The following GFRA2 variants were observed in gnomAD, a reference collection of about 807,000 sequenced individuals.
The protein encoded by GFRA2 is GDNF family receptor alpha-2.
A neutral mutation model predicts 48.3 loss-of-function variants in GFRA2; 17 were observed. The observed-to-expected ratio is 0.35, with a 90% confidence interval of 0.24 to 0.53. GFRA2 has a LOEUF of 0.53. Among genes scored for constraint, GFRA2 ranks in the 20% least tolerant of loss-of-function variants. The pLI, the probability that GFRA2 is intolerant of heterozygous loss-of-function variation, is 0.93. For missense variants in GFRA2, 660 were observed against 637.3 expected (o/e 1.04, Z -0.38); for synonymous variants, 305 against 257.2 (o/e 1.19, Z -1.78).
Position 21,750,006 on chromosome 8 carries a change from T to G in GFRA2, c.794+582A>C, listed in dbSNP as rs1805202518. 6.6e-6 allele frequency among the ~76,000 whole-genome samples: 1 copy of G among 152,190 alleles called. No individual in the cohort carries two copies. The highest frequency in any genetic ancestry group is 3.4e-3 in the Middle Eastern group (1 of 294). On this transcript the variant is annotated intron_variant, in intron 4 of 8. Transcript: ENST00000524240. The surrounding 1 kb of genome is among the most constrained non-coding windows in gnomAD (Gnocchi z 5.7). ...ATTAGGAAGGTAGTTTTGGGGGGTA[T>G]GCATGGTTATACTGAGCTGAAATTT...
At chr8:21,766,523 G>A (rs1456256024) in intron 3 of GFRA2, among the ~76,000 whole-genome samples, 1 of 151,682 alleles carries the variant, frequency 6.6e-6, no homozygotes, top group African/African-American at 2.4e-5. Context: ...GAGTTAGCGC[G>A]GAAGCCTCCA....
upstream of GFRA2, among the ~76,000 whole-genome samples, chr8:21,791,702 C>A (rs1807577262): frequency 6.6e-6 from 1 of 152,150 alleles, no homozygotes. Context: ...AGATACTACA[C>A]AAAGCGGCTA....
upstream of GFRA2, among the ~76,000 whole-genome samples, chr8:21,789,752 C>T (rs1807498176): frequency 6.7e-6 from 1 of 148,896 alleles, no homozygotes; most frequent in Non-Finnish European, 1.5e-5. Flanking sequence ...GCCTCCACCC[C>T]TTCGAGATGC....
intron 2 of GFRA2, among the ~76,000 whole-genome samples, chr8:21,777,631 G>A (rs1294250792): frequency 2.6e-5 from 4 of 152,218 alleles, no homozygotes; most frequent in African/African-American, 9.6e-5. Flanking sequence ...CTTTGCAGAA[G>A]GCAAGAAACC....
At position 21,691,005 on chromosome 8, in the gene GFRA2, T is replaced by A. The variant is rs1160542815; in HGVS notation, c.*2273A>T. 6.6e-6 allele frequency: 1 copy of A among 152,130 alleles called. No individual in the cohort carries two copies. Among genetic ancestry groups the A allele is most frequent in the African/African-American group, 2.4e-5 (1 of 41,416 alleles). The allele number at this position is 152,130 out of a possible 1,614,324, so 9.4% of individuals were successfully genotyped here. A position where few individuals can be genotyped will look rare whatever the true frequency, so the allele number is the denominator to read the frequency against. Reference sequence around the variant, plus strand: ...TGGCTGGCTCACTGTACCCCTTCCATGCAGAGGCTGGAAGGCAATACACCA... The same window carrying A: ...TGGCTGGCTCACTGTACCCCTTCCAAGCAGAGGCTGGAAGGCAATACACCA... On this transcript the variant is annotated 3_prime_UTR_variant, in exon 9 of 9. Coordinates refer to ENST00000524240, the MANE Select transcript of GFRA2 (RefSeq NM_001495.5).
Position 21,702,825 on chromosome 8 carries a change from T to C in GFRA2, c.1198A>G (p.Thr400Ala), listed in dbSNP as rs1802549039. The stretch of plus-strand genomic sequence containing the variant: ...CTCACCTGGACAGACGTGCAGGTGG[T>C]GATGACACTGGTCCCCAAGCTGGTA... The part of the protein sequence containing the change: ...DSTSLGTSVI[T>A]TCTSVQEQGL... Residue 400 changes from threonine (T) to alanine (A), a missense_variant, in exon 7 of 9, where the codon ACC becomes GCC. Thr to Ala is a moderately conservative substitution (Grantham distance 58, BLOSUM62 0). Transcript: ENST00000524240. 6.2e-7 allele frequency: 1 copy of C among 1,608,424 alleles called. No individual in the cohort carries two copies. Among genetic ancestry groups the C allele is most frequent in the Admixed American group, 1.7e-5 (1 of 59,492 alleles).
intron 4 of GFRA2, among the ~76,000 whole-genome samples, chr8:21,726,263 GC>G (rs1204857880): frequency 1.3e-5 from 2 of 152,166 alleles, no homozygotes; most frequent in Non-Finnish European, 2.9e-5. Context: ...AGCCCCTGCT[GC>G]CCAGCTCTCA....
intron 4 of GFRA2, among the ~76,000 whole-genome samples, chr8:21,749,511 T>A (rs1805171772): frequency 6.7e-6 from 1 of 149,796 alleles, no homozygotes; most frequent in East Asian, 2.0e-4. Flanking sequence ...TTCCTCACCC[T>A]GACCCATTCC....
At chr8:21,735,885 C>T (rs968551048) in intron 4 of GFRA2, among the ~76,000 whole-genome samples, 6 of 152,102 alleles carry the variant, frequency 3.9e-5, no homozygotes, top group African/African-American at 1.4e-4. Context: ...TTACCCAGGG[C>T]TGCTCTTGAA....
intron 3 of GFRA2, among the ~76,000 whole-genome samples, chr8:21,754,505 C>CTTTTTTTTTTTT (rs59344047): frequency 7.6e-4 from 92 of 121,156 alleles, no homozygotes; most frequent in South Asian, 1.1e-3. Context: ...CTTTTTTTTT[C>CTTTTTTTTTTTT]TTTTTTTTTT....
chr8:21,760,679 T>C (rs1398495412), intron 3 of GFRA2, among the ~76,000 whole-genome samples: 1 of 152,136 alleles, frequency 6.6e-6, no homozygotes, highest in Non-Finnish European at 1.5e-5. Context: ...AGGTCTGGGC[T>C]AAAGACACAA....
intron 1 of GFRA2, among the ~76,000 whole-genome samples, chr8:21,806,870 T>C (rs1807878672): frequency 2.0e-5 from 3 of 152,226 alleles, no homozygotes; most frequent in Admixed American, 6.5e-5. Flanking sequence ...AAACTTTTTG[T>C]ATCCACACAT....
chr8:21,724,611 T>C (rs1803768295), intron 4 of GFRA2, among the ~76,000 whole-genome samples: 6 of 151,914 alleles, frequency 3.9e-5, no homozygotes, highest in Admixed American at 3.9e-4. Flanking sequence ...GACCAGATGG[T>C]TGGTGATCTG....
intron 3 of GFRA2, among the ~76,000 whole-genome samples, chr8:21,757,876 T>C (rs796414959): frequency 1.1e-4 from 17 of 152,330 alleles, no homozygotes; most frequent in African/African-American, 4.1e-4. Context: ...TCAATACCTA[T>C]CTAGATTTAT....
intron 4 of GFRA2, among the ~76,000 whole-genome samples, chr8:21,711,595 T>C (rs1803028435): frequency 6.6e-6 from 1 of 152,148 alleles, no homozygotes; most frequent in African/African-American, 2.4e-5. Context: ...GAAGAACGTG[T>C]AGGTTCATTT....
chr8:21,738,197 TCCTCCTCCTCCC>T (rs1804575663), intron 4 of GFRA2, among the ~76,000 whole-genome samples: 1 of 36,388 alleles, frequency 2.7e-5, no homozygotes, highest in African/African-American at 9.8e-5. Flanking sequence ...CTCCTCCCCC[TCCTCCTCCTCCC>T]CCTCCTCCTC....
intron 3 of GFRA2, among the ~76,000 whole-genome samples, chr8:21,760,523 C>A (rs1353236557): frequency 6.6e-6 from 1 of 152,008 alleles, no homozygotes; most frequent in Non-Finnish European, 1.5e-5. Context: ...TATCATTTCA[C>A]GAAAAAGGAA....
intron 1 of GFRA2, among the ~76,000 whole-genome samples, chr8:21,783,785 T>C (rs1262762346): frequency 2.0e-5 from 3 of 151,628 alleles, no homozygotes; most frequent in Admixed American, 2.0e-4. Context: ...CCCTGCTCTC[T>C]CCTCCCCACT....
intron 4 of GFRA2, among the ~76,000 whole-genome samples, chr8:21,725,573 A>G (rs557352548): frequency 6.6e-6 from 1 of 152,370 alleles, no homozygotes; most frequent in East Asian, 1.9e-4. Context: ...AATAAATAAT[A>G]ATAACTAACA....
Sources: gnomAD v4.1 joint callset for allele counts (sites outside exome capture counted in the v4.1 genomes callset) on GRCh38, gnomAD v4.1.1 for gene constraint, Gnocchi (gnomAD v3.1) non-coding constraint, MANE v1.5 for transcripts, NCBI Gene and HGNC (gene_info 2026-07-23, HGNC 2026-07-21) for gene names.